Variants in RPS6KC1 observed in about 807,000 individuals in gnomAD.
RPS6KC1 encodes the protein ribosomal protein S6 kinase C1.
In RPS6KC1, 54 loss-of-function variants were observed where a neutral mutation model predicts 103.8. That is an observed-to-expected ratio of 0.52 (90% CI 0.42 to 0.65). RPS6KC1 has a LOEUF of 0.65. Among genes scored for constraint, RPS6KC1 ranks in the 30% least tolerant of loss-of-function variants. The pLI is 0.00. For missense variants in RPS6KC1, 1,151 were observed against 1,253.8 expected, an observed-to-expected ratio of 0.92 and a Z score of 1.24; for synonymous variants, 439 against 438.7, an observed-to-expected ratio of 1.00 and a Z score of -0.01.
chr1:213,386,014 T>C, the RPS6KC1 span, among the ~76,000 whole-genome samples: 1 of 152,228 alleles, frequency 6.6e-6, no homozygotes, highest in African/African-American at 2.4e-5. Context: ...TGTTGAAGTT[T>C]GATCCTCAAT....
intron 12 of RPS6KC1, among the ~76,000 whole-genome samples, chr1:213,246,960 T>G (rs898159888): frequency 6.6e-6 from 1 of 152,198 alleles, no homozygotes; most frequent in Non-Finnish European, 1.5e-5. Flanking sequence ...ATAAAATTAT[T>G]TGTGTTAGTT....
chr1:213,069,503 G>A (rs1161273785), intron 1 of RPS6KC1, among the ~76,000 whole-genome samples: 2 of 152,110 alleles, frequency 1.3e-5, no homozygotes, highest in Non-Finnish European at 2.9e-5. Context: ...ACTGTAATTT[G>A]AACCAAGGTT....
chr1:213,396,517 G>A, the RPS6KC1 span, among the ~76,000 whole-genome samples: 4 of 152,218 alleles, frequency 2.6e-5, no homozygotes, highest in South Asian at 4.1e-4. Flanking sequence ...CACCGAACAC[G>A]TGTGGACGGC....
At chr1:213,192,119 A>G (rs748833683) in intron 8 of RPS6KC1, among the ~76,000 whole-genome samples, 3 of 152,196 alleles carry the variant, frequency 2.0e-5, no homozygotes, top group Non-Finnish European at 2.9e-5. Context: ...TGAATTTTGT[A>G]AAATGCATTT....
At chr1:213,602,189 T>TCTTTC in the RPS6KC1 span, among the ~76,000 whole-genome samples, 4 of 103,364 alleles carry the variant, frequency 3.9e-5, no homozygotes, top group Non-Finnish European at 5.6e-5. Context: ...TTTCTTTCTT[T>TCTTTC]TTCCCTCCCT....
At chr1:213,057,098 CCTGA>C (rs2077394355) in intron 1 of RPS6KC1, among the ~76,000 whole-genome samples, 1 of 152,014 alleles carries the variant, frequency 6.6e-6, no homozygotes, top group Admixed American at 6.6e-5. Context: ...TGCCACCCTG[CCTGA>C]CTAATTTTTG....
chr1:213,716,085 A>G, the RPS6KC1 span, among the ~76,000 whole-genome samples: 2 of 152,204 alleles, frequency 1.3e-5, no homozygotes, highest in Admixed American at 1.3e-4. Context: ...TTTTCTCTTC[A>G]AAATTTCTAA....
chr1:213,496,942 C>G, the RPS6KC1 span, among the ~76,000 whole-genome samples: 1 of 152,078 alleles, frequency 6.6e-6, no homozygotes, highest in Non-Finnish European at 1.5e-5. Flanking sequence ...CAGGGCTTTT[C>G]AATTATTTTC....
At chr1:213,352,799 G>T in the RPS6KC1 span, among the ~76,000 whole-genome samples, 2 of 152,154 alleles carry the variant, frequency 1.3e-5, no homozygotes, top group South Asian at 2.1e-4. Context: ...CTCAGCATTG[G>T]GAGGCTGAGG....
At chr1:213,385,535 A>C in the RPS6KC1 span, among the ~76,000 whole-genome samples, 1 of 152,154 alleles carries the variant, frequency 6.6e-6, no homozygotes, top group Non-Finnish European at 1.5e-5. Flanking sequence ...CAAAATAAAG[A>C]AGATGGTATT....
chr1:213,113,130 A>G (rs994376495), intron 4 of RPS6KC1, among the ~76,000 whole-genome samples: 1 of 152,136 alleles, frequency 6.6e-6, no homozygotes, highest in African/African-American at 2.4e-5. Context: ...TCCCTGAGGA[A>G]TTGCCACACT....
chr1:213,666,375 T>C, the RPS6KC1 span, among the ~76,000 whole-genome samples: 121,953 of 152,122 alleles, frequency 0.8, 49,017 homozygotes, highest in Middle Eastern at 0.87. Context: ...CGCATGGCCC[T>C]GGCAGCAGCA....
At chr1:213,466,818 G>T in the RPS6KC1 span, among the ~76,000 whole-genome samples, 2 of 152,068 alleles carry the variant, frequency 1.3e-5, no homozygotes, top group Admixed American at 1.3e-4. Flanking sequence ...ATGGGCTGTG[G>T]TTTTTCTGAC....
chr1:213,197,789 T>A (rs1010121317), intron 8 of RPS6KC1, among the ~76,000 whole-genome samples: 7 of 152,216 alleles, frequency 4.6e-5, no homozygotes, highest in Non-Finnish European at 8.8e-5. Context: ...ACTTTCGGCT[T>A]TCATTTGCAG....
the RPS6KC1 span, among the ~76,000 whole-genome samples, chr1:213,375,511 A>C: frequency 6.6e-6 from 1 of 152,240 alleles, no homozygotes; most frequent in African/African-American, 2.4e-5. Flanking sequence ...GAAAACACAG[A>C]AAAGCAAAAA....
chr1:213,824,635 G>A, the RPS6KC1 span, among the ~76,000 whole-genome samples: 1 of 152,102 alleles, frequency 6.6e-6, no homozygotes, highest in Non-Finnish European at 1.5e-5. Context: ...TGCTGTTCTC[G>A]TGATAGTGAA....
the RPS6KC1 span, among the ~76,000 whole-genome samples, chr1:213,704,320 G>A: frequency 2.0e-5 from 3 of 148,692 alleles, no homozygotes; most frequent in Admixed American, 6.7e-5. Flanking sequence ...CCCAGGGGGC[G>A]GAGCCTGCAG....
chr1:213,213,085 A>G (rs371873745), intron 8 of RPS6KC1, among the ~76,000 whole-genome samples: 1 of 152,106 alleles, frequency 6.6e-6, no homozygotes, highest in African/African-American at 2.4e-5. Flanking sequence ...CTATCTTATC[A>G]ATTGTTTCTT....
At chr1:213,725,115 A>G in the RPS6KC1 span, among the ~76,000 whole-genome samples, 2 of 152,200 alleles carry the variant, frequency 1.3e-5, no homozygotes, top group Non-Finnish European at 2.9e-5. Flanking sequence ...AGGACTAATA[A>G]ATCTTATTTC....
Sources: gnomAD v4.1 joint callset for allele counts (sites outside exome capture counted in the v4.1 genomes callset) on GRCh38, gnomAD v4.1.1 for gene constraint, MANE v1.5 for transcripts, NCBI Gene and HGNC (gene_info 2026-07-23, HGNC 2026-07-21) for gene names.